The following CACNA2D3 variants were observed in gnomAD, a reference collection of about 807,000 sequenced individuals.
The protein encoded by CACNA2D3 is calcium voltage-gated channel auxiliary subunit alpha2delta 3, also known as voltage-dependent calcium channel subunit alpha-2/delta-3.
Under a neutral mutation model 160.6 loss-of-function variants are expected in CACNA2D3, and 60 were observed. The observed-to-expected ratio is 0.37, with a 90% CI of 0.30 to 0.46. The LOEUF (loss-of-function observed/expected upper bound fraction) is 0.46. CACNA2D3 is among the 20% of genes least tolerant of loss of function. The probability of loss-of-function intolerance (pLI) is 1.00; values close to 1 mark genes in which losing one functional copy is unlikely to be tolerated. For synonymous variants in CACNA2D3, 558 were observed against 492.9 expected (o/e 1.13, Z -1.75); for missense variants, 1,205 against 1,365.0 (o/e 0.88, Z 1.85).
intron 27 of CACNA2D3, among the ~76,000 whole-genome samples, chr3:54,946,917 T>C (rs1249250064): frequency 1.3e-5 from 2 of 152,156 alleles, no homozygotes; most frequent in East Asian, 1.9e-4. Flanking sequence ...ATTGTAACAC[T>C]GTGTCAATAA....
intron 2 of CACNA2D3, among the ~76,000 whole-genome samples, chr3:54,200,142 C>T (rs1162147155): frequency 6.6e-6 from 1 of 152,192 alleles, no homozygotes; most frequent in Admixed American, 6.5e-5. Context: ...ACATCAGTGG[C>T]TGAAGTCTGG....
intron 2 of CACNA2D3, among the ~76,000 whole-genome samples, chr3:54,217,287 C>T (rs976734184): frequency 6.6e-6 from 1 of 152,156 alleles, no homozygotes; most frequent in Non-Finnish European, 1.5e-5. Context: ...GCCGCCTCCT[C>T]CTCCCTGCAG....
intron 11 of CACNA2D3, among the ~76,000 whole-genome samples, chr3:54,680,041 C>T (rs1700312704): frequency 6.6e-6 from 1 of 152,126 alleles, no homozygotes; most frequent in South Asian, 2.1e-4. Context: ...TTTAGTTCTT[C>T]TTTCCTATAT....
rs117728491 is a variant in CACNA2D3 at position 54,162,497 on chromosome 3, A to G, written c.204+38903A>G. 9.6e-4 allele frequency among the ~76,000 whole-genome samples: 146 copies of G among 152,278 alleles called. 3 individuals are homozygous for G. In the East Asian group the frequency reaches 0.025, roughly 26 times the overall value. ...CTCATAATGTGACAGGTGGGATCCA[A>G]GAGCAAGCATCCCTAGAGAACAAGG... On this transcript the variant is annotated intron_variant, in intron 2 of 37. Coordinates refer to ENST00000474759, the MANE Select transcript of CACNA2D3 (RefSeq NM_018398.3).
chr3:54,155,241 AC>A (rs1264810981), intron 2 of CACNA2D3, among the ~76,000 whole-genome samples: 1 of 152,090 alleles, frequency 6.6e-6, no homozygotes, highest in Non-Finnish European at 1.5e-5. Flanking sequence ...CTTGTGACTT[AC>A]CCCAACAAAG....
intron 27 of CACNA2D3, among the ~76,000 whole-genome samples, chr3:54,957,812 C>T (rs774741289): frequency 2.0e-5 from 3 of 152,180 alleles, no homozygotes; most frequent in Non-Finnish European, 4.4e-5. Context: ...CCTACACAGT[C>T]CCCCAGACAC....
intron 31 of CACNA2D3, 69 bp downstream of exon 31, chr3:54,987,822 C>A (rs2107108683): frequency 8.8e-7 from 1 of 1,141,348 alleles, no homozygotes; most frequent in Non-Finnish European, 1.2e-6. Flanking sequence ...AAGCCAAGGT[C>A]AAATAAAGCA....
chr3:54,315,636 C>T (rs1474746304), intron 2 of CACNA2D3, among the ~76,000 whole-genome samples: 1 of 152,198 alleles, frequency 6.6e-6, no homozygotes, highest in African/African-American at 2.4e-5. Context: ...ACCTTCAATG[C>T]TGGTTGACCT....
intron 35 of CACNA2D3, among the ~76,000 whole-genome samples, chr3:55,045,568 A>G (rs1365980652): frequency 4.6e-5 from 7 of 152,192 alleles, no homozygotes; most frequent in Admixed American, 4.6e-4. Context: ...TGAATTCAAT[A>G]TCTTTATTTA....
chr3:54,413,426 A>G (rs937067722), intron 4 of CACNA2D3, among the ~76,000 whole-genome samples: 4 of 147,072 alleles, frequency 2.7e-5, no homozygotes, highest in Non-Finnish European at 4.5e-5. Flanking sequence ...ATAGATATCT[A>G]TATATATATA....
At chr3:54,774,688 G>T (rs1049511203) in intron 13 of CACNA2D3, among the ~76,000 whole-genome samples, 2 of 143,494 alleles carry the variant, frequency 1.4e-5, no homozygotes, top group Admixed American at 7.2e-5. Context: ...AGGCTGGAGT[G>T]CAGTGGTACG....
intron 11 of CACNA2D3, among the ~76,000 whole-genome samples, chr3:54,710,746 T>C (rs915283804): frequency 3.9e-5 from 6 of 152,206 alleles, no homozygotes; most frequent in Non-Finnish European, 8.8e-5. Context: ...AACTGGTAAT[T>C]AGAATATTAA....
In CACNA2D3 at chr3:54,487,375, GA is replaced by G. The variant is rs1274842079; in HGVS notation, c.382-16110del. Among the ~76,000 whole-genome samples, 10 of 152,100 alleles carry G rather than the reference GA, an allele frequency of 6.6e-5. No individual in the cohort carries two copies. The East Asian group carries it at 1.6e-3, about 24-fold the overall frequency. ...AGAGCAAGACCCTGTATCAAAGGGGGAAAAAAACCAGACAGTCCTTTGCAAA... is the reference window on the plus strand; with the variant it reads ...AGAGCAAGACCCTGTATCAAAGGGGGAAAAAACCAGACAGTCCTTTGCAAA... On this transcript the variant is annotated intron_variant, in intron 4 of 37. Transcript: ENST00000474759.
intron 2 of CACNA2D3, among the ~76,000 whole-genome samples, chr3:54,301,068 G>A (rs1286916396): frequency 2.0e-5 from 3 of 151,538 alleles, no homozygotes; most frequent in South Asian, 2.1e-4. Flanking sequence ...AAGCCTGGGC[G>A]ACATAGTGAG....
intron 27 of CACNA2D3, chr3:54,927,913 A>G: frequency 6.2e-7 from 1 of 1,613,702 alleles, no homozygotes; most frequent in Non-Finnish European, 8.5e-7. Flanking sequence ...ACCTTTCATG[A>G]CTGAGTCTCC....
At chr3:54,644,514 T>G (rs186988381) in intron 11 of CACNA2D3, among the ~76,000 whole-genome samples, 1 of 152,344 alleles carries the variant, frequency 6.6e-6, no homozygotes, top group African/African-American at 2.4e-5. Flanking sequence ...AGTGAGATGA[T>G]GAGCAATGTC....
chr3:54,965,732 G>T (rs549951135), intron 27 of CACNA2D3, among the ~76,000 whole-genome samples: 5 of 152,314 alleles, frequency 3.3e-5, no homozygotes, highest in African/African-American at 9.6e-5. Context: ...CCAGGGGCCA[G>T]TGTTACTGGA....
chr3:54,751,359 T>G (rs969129444), intron 11 of CACNA2D3, among the ~76,000 whole-genome samples: 1 of 152,186 alleles, frequency 6.6e-6, no homozygotes, highest in Non-Finnish European at 1.5e-5. Context: ...GAAGAAACCA[T>G]TACCTCACAA....
At chr3:54,662,919 T>A (rs1001777506) in intron 11 of CACNA2D3, among the ~76,000 whole-genome samples, 1 of 152,228 alleles carries the variant, frequency 6.6e-6, no homozygotes, top group Admixed American at 6.5e-5. Context: ...ACTGAATTTC[T>A]CTGGGCTTCT....
Sources: allele counts gnomAD v4.1 joint callset (sites outside exome capture counted in the v4.1 genomes callset), GRCh38; gene constraint gnomAD v4.1.1; transcripts MANE v1.5; gene names NCBI Gene and HGNC (gene_info 2026-07-23, HGNC 2026-07-21).